Variants in UTRN observed in about 807,000 individuals in gnomAD.
UTRN encodes the protein dystrophin-related protein 1.
Under a neutral mutation model 463.9 loss-of-function variants are expected in UTRN, and 283 were observed. That is an observed-to-expected ratio of 0.61 (90% CI 0.55 to 0.67). The LOEUF (loss-of-function observed/expected upper bound fraction) is 0.67, where lower values mean the gene tolerates loss of function less well. Among genes scored for constraint, UTRN ranks in the 30% least tolerant of loss-of-function variants. The pLI is 0.00. For synonymous variants in UTRN, 1,442 were observed against 1,431.5 expected, an observed-to-expected ratio of 1.01 and a Z score of -0.17; for missense variants, 3,922 against 4,084.3, an observed-to-expected ratio of 0.96 and a Z score of 1.08.
intron 2 of UTRN, among the ~76,000 whole-genome samples, chr6:144,320,881 T>A (rs183774520): frequency 2.6e-5 from 4 of 152,318 alleles, no homozygotes; most frequent in Admixed American, 2.6e-4. Flanking sequence ...TGAGTTTCTA[T>A]TTGCACCTTA....
chr6:144,346,755 G>A (rs1777602463), intron 2 of UTRN, among the ~76,000 whole-genome samples: 3 of 152,096 alleles, frequency 2.0e-5, no homozygotes, highest in African/African-American at 4.8e-5. Context: ...CCCGGGAGGC[G>A]GGGGTTGCAG....
Position 144,515,834 on chromosome 6 carries a change from C to G in UTRN, c.5245-395C>G, listed in dbSNP as rs556066624. Among the ~76,000 whole-genome samples, 329 of 152,296 alleles carry G rather than the reference C, an allele frequency of 2.2e-3. 2 individuals carry two copies. Among genetic ancestry groups the G allele is most frequent in the African/African-American group, 7.5e-3 (310 of 41,566 alleles). On this transcript the variant is annotated intron_variant, in intron 37 of 74. Transcript: ENST00000367545. Reference sequence around the variant, plus strand: ...GGGGAATTCTACTGAGGAAACTTAACTGGGAGACATTCTGTGAGGTGTCCC... The same window carrying G: ...GGGGAATTCTACTGAGGAAACTTAAGTGGGAGACATTCTGTGAGGTGTCCC...
rs2128722347 is a variant in UTRN at position 144,748,291 on chromosome 6, GCAAA to G, written c.7988_7991del (p.Lys2663SerfsTer12). On this transcript the variant is annotated frameshift_variant, in exon 55 of 75. Coordinates refer to ENST00000367545, the MANE Select transcript of UTRN (RefSeq NM_007124.3). LOFTEE classifies it high-confidence loss of function. The stretch of plus-strand genomic sequence containing the variant: ...GCCCAAAAGATTGCCAAAGCCATGC[GCAAA>G]CAGTCTTCTGAAGTCAAAGAAAAAT... The G allele has an allele frequency of 1.9e-6, 3 of 1,612,708 alleles. No individual in the cohort carries two copies. Among genetic ancestry groups the G allele is most frequent in the Admixed American group, 1.7e-5 (1 of 59,982 alleles).
At chr6:144,635,247 C>A (rs1482249964) in intron 51 of UTRN, among the ~76,000 whole-genome samples, 1 of 149,180 alleles carries the variant, frequency 6.7e-6, no homozygotes, top group Non-Finnish European at 1.5e-5. Context: ...ACCTCCTGGG[C>A]TCAAGCGATC....
intron 74 of UTRN, among the ~76,000 whole-genome samples, chr6:144,848,709 T>C (rs911978939): frequency 6.6e-6 from 1 of 152,088 alleles, no homozygotes; most frequent in Non-Finnish European, 1.5e-5. Flanking sequence ...ACAGGACCAT[T>C]GGAGGAAAAG....
At chr6:144,693,585 T>A (rs966173129) in intron 52 of UTRN, among the ~76,000 whole-genome samples, 3 of 152,152 alleles carry the variant, frequency 2.0e-5, no homozygotes, top group African/African-American at 7.2e-5. Context: ...GTTTTATAGT[T>A]CTCCTTGTAG....
Position 144,781,655 on chromosome 6 carries a change from T to C in UTRN, c.8633-267T>C, listed in dbSNP as rs9386081. On this transcript the variant is annotated intron_variant, in intron 60 of 74. Coordinates refer to ENST00000367545, the MANE Select transcript of UTRN (RefSeq NM_007124.3). ...CAAAGGGAAAGCCAGAAAAAGAAAGTAGGAATAATTAATATTCCAAAGAGC... is the reference window on the plus strand; with the variant it reads ...CAAAGGGAAAGCCAGAAAAAGAAAGCAGGAATAATTAATATTCCAAAGAGC... 1.5e-3 allele frequency among the ~76,000 whole-genome samples: 222 copies of C among 152,222 alleles called. 5 individuals are homozygous for C. The East Asian group carries it at 0.036, about 25-fold the overall frequency.
chr6:144,356,669 TGG>T (rs1311034614), intron 2 of UTRN, among the ~76,000 whole-genome samples: 2 of 152,006 alleles, frequency 1.3e-5, no homozygotes, highest in Non-Finnish European at 2.9e-5. Context: ...AAAAATTAGT[TGG>T]GTGTGGTGGC....
intron 45 of UTRN, among the ~76,000 whole-genome samples, chr6:144,540,301 G>A (rs1016103625): frequency 1.4e-4 from 22 of 151,992 alleles, no homozygotes; most frequent in Admixed American, 1.2e-3. Flanking sequence ...CACCATTTCA[G>A]AGTATGACGT....
At chr6:144,761,403 C>T (rs964430549) in intron 58 of UTRN, among the ~76,000 whole-genome samples, 16 of 151,988 alleles carry the variant, frequency 1.1e-4, no homozygotes, top group African/African-American at 3.9e-4. Context: ...TGCTTATAAT[C>T]CTAATGCTTG....
intron 31 of UTRN, 86 bp downstream of exon 31, chr6:144,490,285 C>A (rs915239482): frequency 6.6e-7 from 1 of 1,508,754 alleles, no homozygotes; most frequent in East Asian, 2.4e-5. Flanking sequence ...ACTTGGGCAC[C>A]GTTTGTATTC....
chr6:144,313,364 AAAAAG>A (rs1021043416), intron 2 of UTRN, among the ~76,000 whole-genome samples: 12 of 152,026 alleles, frequency 7.9e-5, no homozygotes, highest in Admixed American at 6.5e-4. Flanking sequence ...TGAAAAAAAA[AAAAAG>A]AAAAGAAAAT....
chr6:144,637,453 C>T lies in UTRN; in HGVS notation c.7480-40953C>T, dbSNP rs907553015. Among the ~76,000 whole-genome samples, 101 of 151,480 alleles carry T rather than the reference C, an allele frequency of 6.7e-4. 1 individual carries two copies. The highest frequency in any genetic ancestry group is 3.5e-3 in the Middle Eastern group (1 of 288). ...TATATAAATCTAATATAGATTTTTA[C>T]ACTATGAAATAATGCACGTTTCTTG... On this transcript the variant is annotated intron_variant, in intron 51 of 74. Coordinates refer to ENST00000367545, the MANE Select transcript of UTRN (RefSeq NM_007124.3).
chr6:144,437,918 C>T (rs1234094399), intron 11 of UTRN, among the ~76,000 whole-genome samples, 172 bp downstream of exon 11: 1 of 152,176 alleles, frequency 6.6e-6, no homozygotes, highest in African/African-American at 2.4e-5. Context: ...CTTTGTTTCC[C>T]CTTTGATGTG....
At chr6:144,355,202 G>A (rs73592854) in intron 2 of UTRN, among the ~76,000 whole-genome samples, 4,221 of 152,158 alleles carry the variant, frequency 0.028, 118 homozygotes, top group African/African-American at 0.071. Context: ...AAGGATTTTC[G>A]AACATTTTTC....
intron 51 of UTRN, among the ~76,000 whole-genome samples, chr6:144,612,646 A>G (rs1585564153): frequency 1.3e-5 from 2 of 152,234 alleles, no homozygotes; most frequent in East Asian, 1.9e-4. Context: ...CAAAACCACA[A>G]TGAGATATTA....
At position 144,554,683 on chromosome 6, in the gene UTRN, C is replaced by G; in HGVS notation, c.6929-5C>G. The G allele has an allele frequency of 6.2e-7, 1 of 1,613,680 alleles. No homozygotes were observed. On this transcript the variant is annotated splice_region_variant and splice_polypyrimidine_tract_variant and intron_variant, in intron 48 of 74. Transcript: ENST00000367545. ...TTTTTTTTTCTTTTATAATGCTACC[C>G]TCAGTGGAAAGGGTCAAGAACCAGT...
rs202065054 is a variant in UTRN, at chr6:144,511,033, T to G, written c.4854T>G (p.Ser1618Arg). ...CCCTGCAAAACTTGATTGAGGGCAG[T>G]GAGCCTATTTTAGAAGAGAGGCTCT... is the stretch of plus-strand genomic sequence containing the variant. ...SAALQNLIEG[S>R]EPILEERLCV... The change falls in exon 35 of 75, where the codon AGT becomes AGG. Residue 1618 changes from serine to arginine, a missense_variant. Physicochemically the swap from Ser to Arg is moderately radical, Grantham distance 110. This residue lies in a region of UTRN where 2,349 missense variants were observed against 2,303.8 expected (regional missense o/e 1.02). Transcript: ENST00000367545. 7.4e-6 allele frequency: 12 copies of G among 1,613,404 alleles called. No individual in the cohort carries two copies. In the African/African-American group the frequency reaches 1.6e-4, roughly 22 times the overall value.
intron 51 of UTRN, among the ~76,000 whole-genome samples, chr6:144,626,821 G>A (rs2128651336): frequency 6.6e-6 from 1 of 152,212 alleles, no homozygotes; most frequent in Middle Eastern, 3.4e-3. Flanking sequence ...TGTACTTTTA[G>A]TAGAGATGGC....
Sources: allele counts gnomAD v4.1 joint callset (sites outside exome capture counted in the v4.1 genomes callset), GRCh38; gene constraint gnomAD v4.1.1; regional missense constraint gnomAD v4.1.1; transcripts MANE v1.5; gene names NCBI Gene and HGNC (gene_info 2026-07-23, HGNC 2026-07-21).